The following GALNT13 variants were observed in gnomAD, a reference collection of about 807,000 sequenced individuals.
The protein encoded by GALNT13 is UDP-GalNAc:polypeptide N-acetylgalactosaminyltransferase 13.
In GALNT13, 28 loss-of-function variants were observed where a neutral mutation model predicts 64.2. That is an observed-to-expected ratio of 0.44 (90% CI 0.32 to 0.60). The LOEUF (loss-of-function observed/expected upper bound fraction) is 0.60, where lower values mean the gene tolerates loss of function less well. Among genes scored for constraint, GALNT13 ranks in the 20% least tolerant of loss-of-function variants. The pLI, the probability that GALNT13 is intolerant of heterozygous loss-of-function variation, is 0.05. For missense variants in GALNT13, 577 were observed against 669.8 expected (o/e 0.86, Z 1.53); for synonymous variants, 214 against 224.6 (o/e 0.95, Z 0.42).
the GALNT13 span, among the ~76,000 whole-genome samples, chr2:153,691,697 T>C: frequency 4.4e-3 from 666 of 152,208 alleles, 6 homozygotes; most frequent in African/African-American, 0.015. Flanking sequence ...GATCCCACTA[T>C]ACACATACCA....
the GALNT13 span, among the ~76,000 whole-genome samples, chr2:153,730,717 C>T: frequency 1.3e-5 from 2 of 151,520 alleles, no homozygotes. Context: ...AAAATAAGCC[C>T]ATTAAAAAGT....
At chr2:154,160,978 G>T (rs1437030293) in intron 4 of GALNT13, among the ~76,000 whole-genome samples, 1 of 152,080 alleles carries the variant, frequency 6.6e-6, no homozygotes, top group African/African-American at 2.4e-5. Context: ...TTTCGTACTT[G>T]CTAAAATTCC....
At chr2:153,458,540 A>G in the GALNT13 span, among the ~76,000 whole-genome samples, 2 of 152,076 alleles carry the variant, frequency 1.3e-5, no homozygotes, top group Non-Finnish European at 2.9e-5. Flanking sequence ...CAGCCTTCCT[A>G]GCCAGATTTT....
At chr2:153,570,648 G>A in the GALNT13 span, among the ~76,000 whole-genome samples, 58 of 152,136 alleles carry the variant, frequency 3.8e-4, no homozygotes, top group Non-Finnish European at 2.9e-5. Flanking sequence ...GGTGAGAGAT[G>A]GGGTCCTGTT....
intron 1 of GALNT13, among the ~76,000 whole-genome samples, chr2:153,874,986 CA>C (rs1252816234): frequency 2.6e-5 from 4 of 152,044 alleles, no homozygotes; most frequent in African/African-American, 9.7e-5. Context: ...TGGTTTCTAA[CA>C]AGTGAAAAGT....
At chr2:154,456,414 C>T (rs898228876), downstream of GALNT13, among the ~76,000 whole-genome samples, 1 of 151,758 alleles carries the variant, frequency 6.6e-6, no homozygotes, top group African/African-American at 2.4e-5. Flanking sequence ...TTAAAATATG[C>T]CAATTTAGTT....
chr2:153,536,434 C>A, the GALNT13 span, among the ~76,000 whole-genome samples: 540 of 151,994 alleles, frequency 3.6e-3, 6 homozygotes, highest in African/African-American at 0.013. Context: ...TGCCTCATTT[C>A]TGTTACTGAT....
At chr2:154,190,493 G>A (rs1044527099) in intron 4 of GALNT13, among the ~76,000 whole-genome samples, 11 of 152,220 alleles carry the variant, frequency 7.2e-5, no homozygotes, top group African/African-American at 2.4e-4. Context: ...TACTTGAAAA[G>A]TGTATTTATT....
At chr2:154,341,086 T>C (rs376050228) in intron 9 of GALNT13, among the ~76,000 whole-genome samples, 1 of 152,130 alleles carries the variant, frequency 6.6e-6, no homozygotes, top group African/African-American at 2.4e-5. Flanking sequence ...AAGTAACATA[T>C]CAAGGGCTAG....
the GALNT13 span, among the ~76,000 whole-genome samples, chr2:153,259,591 A>G: frequency 6.6e-6 from 1 of 152,114 alleles, no homozygotes; most frequent in African/African-American, 2.4e-5. Flanking sequence ...TGATATTCTC[A>G]TGATAGTGAA....
intron 9 of GALNT13, among the ~76,000 whole-genome samples, chr2:154,344,111 C>A (rs1695927580): frequency 6.6e-6 from 1 of 151,998 alleles, no homozygotes; most frequent in Non-Finnish European, 1.5e-5. Context: ...TCTCTATGAT[C>A]TTTACAGATT....
At chr2:154,204,245 A>G (rs576395635) in intron 4 of GALNT13, among the ~76,000 whole-genome samples, 1 of 152,092 alleles carries the variant, frequency 6.6e-6, no homozygotes, top group Non-Finnish European at 1.5e-5. Context: ...CTCTCTCAAT[A>G]TATTACCCTA....
the GALNT13 span, among the ~76,000 whole-genome samples, chr2:153,527,197 A>G: frequency 6.6e-6 from 1 of 152,168 alleles, no homozygotes; most frequent in Admixed American, 6.6e-5. Flanking sequence ...AGAAGGTTAT[A>G]TAACACCAAG....
the GALNT13 span, among the ~76,000 whole-genome samples, chr2:153,635,425 TATGTATATATATATAC>T: frequency 6.8e-6 from 1 of 147,130 alleles, no homozygotes; most frequent in Non-Finnish European, 1.5e-5. Flanking sequence ...TACACATATA[TATGTATATATATATAC>T]ACACATATAT....
the GALNT13 span, among the ~76,000 whole-genome samples, chr2:153,411,146 G>A: frequency 6.8e-6 from 1 of 146,310 alleles, no homozygotes; most frequent in South Asian, 2.1e-4. Flanking sequence ...GTGAGCCACT[G>A]TACATGGCAT....
chr2:153,568,722 T>C, the GALNT13 span, among the ~76,000 whole-genome samples: 1 of 152,126 alleles, frequency 6.6e-6, no homozygotes, highest in Non-Finnish European at 1.5e-5. Flanking sequence ...TAACCACAGC[T>C]CAAATTGTTA....
chr2:153,223,591 C>T, the GALNT13 span, among the ~76,000 whole-genome samples: 2 of 152,070 alleles, frequency 1.3e-5, no homozygotes, highest in African/African-American at 4.8e-5. Flanking sequence ...ACAGGTGAGT[C>T]AAAGGAGGCT....
At chr2:154,151,375 G>A (rs1298510837) in intron 4 of GALNT13, among the ~76,000 whole-genome samples, 2 of 152,174 alleles carry the variant, frequency 1.3e-5, no homozygotes, top group Admixed American at 6.5e-5. Flanking sequence ...TGGAATAGGT[G>A]TGGTGCAGTG....
the GALNT13 span, among the ~76,000 whole-genome samples, chr2:153,560,168 A>C: frequency 9.1e-4 from 138 of 152,200 alleles, no homozygotes; most frequent in Non-Finnish European, 1.6e-3. Flanking sequence ...GTGGGAAATA[A>C]TATTTAGAGA....
Sources: allele counts gnomAD v4.1 joint callset (sites outside exome capture counted in the v4.1 genomes callset), GRCh38; gene constraint gnomAD v4.1.1; transcripts MANE v1.5; gene names NCBI Gene and HGNC (gene_info 2026-07-23, HGNC 2026-07-21).